FAM90A1: variants seen among roughly 807,000 people sequenced by gnomAD.
The protein encoded by FAM90A1 is protein FAM90A1.
FAM90A1 carries 10 observed loss-of-function variants against 14.8 expected under a neutral mutation model. The observed-to-expected ratio is 0.67, with a 90% CI of 0.42 to 1.14. The LOEUF is 1.14. Ranked by LOEUF, FAM90A1 falls within the 50% of genes most tolerant of loss-of-function variation. The pLI is 0.00. For synonymous variants in FAM90A1, 236 were observed against 248.4 expected (o/e 0.95, Z 0.47); for missense variants, 567 against 602.8 (o/e 0.94, Z 0.62).
At position 8,225,973 on chromosome 12, in the gene FAM90A1, T is replaced by G. The variant is rs1341567973; in HGVS notation, c.-194A>C. On this transcript the variant is annotated 5_prime_UTR_variant, in exon 3 of 7. Coordinates refer to ENST00000538603, the MANE Select transcript of FAM90A1 (RefSeq NM_018088.3). ...GGGACCTCTGCTTTCCAGGCTGCCTTTTATACTGCCTCTGGTCACCTGACG... is the reference window on the plus strand; with the variant it reads ...GGGACCTCTGCTTTCCAGGCTGCCTGTTATACTGCCTCTGGTCACCTGACG... The G allele has an allele frequency of 6.6e-6, 1 of 152,254 alleles. No homozygotes were observed. The highest frequency in any genetic ancestry group is 6.5e-5 in the Admixed American group (1 of 15,282). The allele number at this position is 152,254 out of a possible 1,614,324, so 9.4% of individuals were successfully genotyped here.
Position 8,221,592 on chromosome 12 carries a change from C to G in FAM90A1, c.*230G>C, listed in dbSNP as rs1161859541. On this transcript the variant is annotated 3_prime_UTR_variant, in exon 7 of 7. Coordinates refer to ENST00000538603, the MANE Select transcript of FAM90A1 (RefSeq NM_018088.3). ...ACTGGCACGGAAGCTTTTCCTGGCG[C>G]GTTTCCAGAGAACCATGCGAACTAC... 1 of 597,370 alleles carries G rather than the reference C, an allele frequency of 1.7e-6. No homozygotes were observed. Among genetic ancestry groups the G allele is most frequent in the East Asian group, 2.9e-5 (1 of 34,242 alleles). 37.0% of individuals were successfully genotyped at this position (597,370 alleles called of 1,614,324 possible).
chr12:8,221,855 G>A lies in FAM90A1; in HGVS notation c.1362C>T (p.Ser454=), dbSNP rs370693616. ...SVLYEDLQVP[S]SSEDSDSDLE is the part of the protein sequence containing the mutation. ...GGTCAGAATCGCTGTCCTCTGAGGA[G>A]GAGGGAACCTGAAGGTCCTCATAGA... The change falls in exon 7 of 7, where the codon TCC becomes TCT. Residue 454 remains serine (S), a synonymous_variant. Transcript: ENST00000538603. 10 of 1,596,410 alleles carry A rather than the reference G, an allele frequency of 6.3e-6. No individual in the cohort carries two copies. Among genetic ancestry groups the A allele is most frequent in the Non-Finnish European group, 8.5e-6 (10 of 1,179,716 alleles).
intron 6 of FAM90A1, 144 bp from the exon 7 acceptor site, chr12:8,222,928 C>T (rs774325103): frequency 9.8e-4 from 826 of 839,244 alleles, no homozygotes; most frequent in Non-Finnish European, 1.4e-3. Flanking sequence ...GGGACAGACC[C>T]TCCACCTGAG....
At chr12:8,223,610 G>A (rs758187072) in intron 5 of FAM90A1, 53 bp from the exon 6 acceptor site, 1,238 of 1,040,762 alleles carry the variant, frequency 1.2e-3, no homozygotes, top group South Asian at 5.8e-3. Flanking sequence ...CCAGGAGACG[G>A]GGAGAACCCT....
intron 1 of FAM90A1, among the ~76,000 whole-genome samples, chr12:8,226,802 CTTTTT>C (rs71042351): frequency 2.5e-5 from 2 of 79,786 alleles, no homozygotes; most frequent in South Asian, 4.6e-4. Context: ...TCATTGATGT[CTTTTT>C]TTTTTTTTTT....
chr12:8,224,319 T>C, intron 4 of FAM90A1, 104 bp from the exon 5 acceptor site: 2 of 1,035,650 alleles, frequency 1.9e-6, no homozygotes, highest in Non-Finnish European at 2.9e-6. Context: ...GAATAAGGAT[T>C]CCAAAGAGGG....
Position 8,221,441 on chromosome 12 carries a change from G to A in FAM90A1, c.*381C>T, listed in dbSNP as rs1171968553. The A allele has an allele frequency of 2.7e-6, 1 of 369,192 alleles. No homozygotes were observed. Among genetic ancestry groups the A allele is most frequent in the Non-Finnish European group, 5.1e-6 (1 of 194,530 alleles). The allele number at this position is 369,192 out of a possible 1,614,324, so 22.9% of individuals were successfully genotyped here. ...ACAGCGGAAGGGCTGCACCTCTCAGGGTTCCCTAACTTTTCCCTTATTCAG... is the reference window on the plus strand; with the variant it reads ...ACAGCGGAAGGGCTGCACCTCTCAGAGTTCCCTAACTTTTCCCTTATTCAG... On this transcript the variant is annotated 3_prime_UTR_variant, in exon 7 of 7. Transcript: ENST00000538603.
intron 6 of FAM90A1, 69 bp downstream of exon 6, chr12:8,223,380 G>A: frequency 3.2e-6 from 3 of 944,192 alleles, no homozygotes; most frequent in South Asian, 1.3e-5. Flanking sequence ...CCGCAGACGG[G>A]AAGCTGAAAG....
rs562876348 is a variant in FAM90A1 at position 8,222,703 on chromosome 12, C to T, written c.514G>A (p.Glu172Lys). 2.2e-5 allele frequency: 36 copies of T among 1,607,912 alleles called. No homozygotes were observed. The East Asian group carries it at 2.7e-4, about 12-fold the overall frequency. Residue 172 changes from glutamate to lysine, a missense_variant, in exon 7 of 7, where the codon GAA (glutamate) becomes AAA (lysine). By Grantham distance (56) the Glu-to-Lys change is moderately conservative. Coordinates refer to ENST00000538603, the MANE Select transcript of FAM90A1 (RefSeq NM_018088.3). ...AAGACGGAGCCCCTGTCAGACATTT[C>T]GGTAGCTGAGCGATCAGAGAGGACA... ...DPVLSDRSAT[E>K]MSDRGSVLAS...
rs1247264883 is a variant in FAM90A1, at chr12:8,222,628, G to A, written c.589C>T (p.Leu197Phe). 1.9e-6 allele frequency: 3 copies of A among 1,611,916 alleles called. No individual in the cohort carries two copies. In the African/African-American group the frequency reaches 4.0e-5, roughly 21 times the overall value. ...RKASLSSSSS[L>F]GPKERQTGAA... is the part of the protein sequence containing the mutation. Reference sequence around the variant, plus strand: ...CCTGTCTGTCTTTCCTTTGGTCCAAGACTTGAGGAGGAGCTCAGACTGGCT... The same window carrying A: ...CCTGTCTGTCTTTCCTTTGGTCCAAAACTTGAGGAGGAGCTCAGACTGGCT... Residue 197 changes from leucine to phenylalanine, a missense_variant, in exon 7 of 7, where the codon CTT (leucine) becomes TTT (phenylalanine). Transcript: ENST00000538603.
rs751629419 is a variant in FAM90A1 at position 8,226,893 on chromosome 12, C to T, written c.-420-415G>A. ...TGATCTCAGCTCACTGCAACCTCCG[C>T]GTCTCACAGTCAAGCAATTCTCATG... On this transcript the variant is annotated intron_variant, in intron 1 of 6. Transcript: ENST00000538603. 6.1e-5 allele frequency among the ~76,000 whole-genome samples: 9 copies of T among 147,300 alleles called. No individual in the cohort carries two copies. In the South Asian group the frequency reaches 6.4e-4, roughly 11 times the overall value.
rs1948931893 is a variant in FAM90A1 at position 8,225,844 on chromosome 12, A to G, written c.-65T>C. ...TGTTCAGTGAAACTAACCTGAAATT[A>G]CACGTCTACTTTCTTTCCCCGGCTG... On this transcript the variant is annotated 5_prime_UTR_variant, in exon 3 of 7. Transcript: ENST00000538603. 1 of 152,070 alleles carries G rather than the reference A, an allele frequency of 6.6e-6. No individual in the cohort carries two copies. Among genetic ancestry groups the G allele is most frequent in the Admixed American group, 6.5e-5 (1 of 15,270 alleles). 9.4% of individuals were successfully genotyped at this position (152,070 alleles called of 1,614,324 possible).
chr12:8,227,522 A>C lies in FAM90A1; in HGVS notation c.-463T>G, dbSNP rs2120870346. 1 of 888,232 alleles carries C rather than the reference A, an allele frequency of 1.1e-6. No homozygotes were observed. Among genetic ancestry groups the C allele is most frequent in the East Asian group, 2.7e-5 (1 of 36,786 alleles). 55.0% of individuals were successfully genotyped at this position (888,232 alleles called of 1,614,324 possible). A position where few individuals can be genotyped will look rare whatever the true frequency, so the allele number is the denominator to read the frequency against. ...CCCGAGGCCAGCTGGCTGCAGGTGC[A>C]GGGCTATGCGTCAGGGGTCAGGGTG... On this transcript the variant is annotated 5_prime_UTR_variant, in exon 1 of 7. Transcript: ENST00000538603.
In FAM90A1 at chr12:8,224,699, G is replaced by A. The variant is rs190442090; in HGVS notation, c.123+11C>T. ...CACCCCAATACCCAAGAGATCCAGG[G>A]CTAGACTTACCCTGGGATCTTCTTC... is the stretch of plus-strand genomic sequence containing the variant. On this transcript the variant is annotated intron_variant, in intron 4 of 6. Transcript: ENST00000538603. 0.016 allele frequency: 24,631 copies of A among 1,495,860 alleles called. 569 individuals are homozygous for A. The highest frequency in any genetic ancestry group is 0.11 in the African/African-American group (7,592 of 70,698). The allele number at this position is 1,495,860 out of a possible 1,614,324, so 92.7% of individuals were successfully genotyped here. A position where few individuals can be genotyped will look rare whatever the true frequency, so the allele number is the denominator to read the frequency against.
In FAM90A1 at chr12:8,221,501, T is replaced by C; in HGVS notation, c.*321A>G. ...GAGCAAATACACAGTAATTCCCCCG[T>C]TTCCTATTGACGTCCCAGCGGAAGT... is the stretch of plus-strand genomic sequence containing the variant. On this transcript the variant is annotated 3_prime_UTR_variant, in exon 7 of 7. Transcript: ENST00000538603. 2 of 452,806 alleles carry C rather than the reference T, an allele frequency of 4.4e-6. No individual in the cohort carries two copies. The highest frequency in any genetic ancestry group is 8.1e-6 in the Non-Finnish European group (2 of 247,436). 28.0% of individuals were successfully genotyped at this position (452,806 alleles called of 1,614,324 possible).
Position 8,221,391 on chromosome 12 carries a change from C to G in FAM90A1, c.*431G>C, listed in dbSNP as rs2953226. On this transcript the variant is annotated 3_prime_UTR_variant, in exon 7 of 7. Coordinates refer to ENST00000538603, the MANE Select transcript of FAM90A1 (RefSeq NM_018088.3). ...TTTGCACAGCGCGCTTCCCAGCGTC[C>G]GAAACACTGCTCTCAGGGCGGGGCA... is the stretch of plus-strand genomic sequence containing the variant. The G allele has an allele frequency of 0.79, 237,352 of 301,704 alleles. 93,647 individuals carry two copies. Among genetic ancestry groups the G allele is most frequent in the East Asian group, 0.98 (11,967 of 12,150 alleles). 18.7% of individuals were successfully genotyped at this position (301,704 alleles called of 1,614,324 possible).
chr12:8,223,829 TGAATCTCCCAGAGCCAAAG>T (rs1948883355), intron 5 of FAM90A1, among the ~76,000 whole-genome samples, 168 bp downstream of exon 5: 1 of 152,102 alleles, frequency 6.6e-6, no homozygotes, highest in Non-Finnish European at 1.5e-5. Context: ...TCCCCGTCCC[TGAATCTCCCAGAGCCAAAG>T]GAGCTCTTGG....
Position 8,224,076 on chromosome 12 carries a change from T to C in FAM90A1, c.263A>G (p.Gln88Arg). 6.2e-7 allele frequency: 1 copy of C among 1,612,068 alleles called. No individual in the cohort carries two copies. Among genetic ancestry groups the C allele is most frequent in the East Asian group, 2.2e-5 (1 of 44,894 alleles). The change falls in exon 5 of 7, where the codon CAG (glutamine) becomes CGG (arginine). Residue 88 changes from glutamine to arginine, a missense_variant. Transcript: ENST00000538603. ...GKENLKPWKP[Q>R]VEANPGPLNK... is the part of the protein sequence containing the mutation. ...CAAGGGCCCAGGGTTCGCTTCAACC[T>C]GGGGCTTCCATGGTTTCAGGTTTTC... is the stretch of plus-strand genomic sequence containing the variant.
intron 5 of FAM90A1, 123 bp from the exon 6 acceptor site, chr12:8,223,680 T>C: frequency 1.4e-6 from 1 of 725,430 alleles, no homozygotes; most frequent in Non-Finnish European, 2.5e-6. Flanking sequence ...TGGTGCCCTT[T>C]CCGCCTCTGC....
Sources: allele counts gnomAD v4.1 joint callset (sites outside exome capture counted in the v4.1 genomes callset), GRCh38; gene constraint gnomAD v4.1.1; transcripts MANE v1.5; gene names NCBI Gene and HGNC (gene_info 2026-07-23, HGNC 2026-07-21).